MDGA2: variants seen among roughly 807,000 people sequenced by gnomAD.
The protein encoded by MDGA2 is MAM domain-containing glycosylphosphatidylinositol anchor protein 2.
In MDGA2, 40 loss-of-function variants were observed where a neutral mutation model predicts 117.8. The observed-to-expected ratio is 0.34, with a 90% CI of 0.26 to 0.44. The LOEUF (loss-of-function observed/expected upper bound fraction) is 0.44, where lower values mean the gene tolerates loss of function less well. MDGA2 is among the 20% of genes least tolerant of loss of function. The probability of loss-of-function intolerance (pLI) is 1.00; values close to 1 mark genes in which losing one functional copy is unlikely to be tolerated. For missense variants in MDGA2, 1,123 were observed against 1,250.6 expected (o/e 0.90, Z 1.54); for synonymous variants, 452 against 439.0 (o/e 1.03, Z -0.37).
intron 8 of MDGA2, among the ~76,000 whole-genome samples, chr14:47,033,921 G>A (rs1888750318): frequency 6.6e-6 from 1 of 152,042 alleles, no homozygotes; most frequent in African/African-American, 2.4e-5. Context: ...CATTCATTCT[G>A]CCAACAACTT....
intron 1 of MDGA2, among the ~76,000 whole-genome samples, chr14:47,434,700 A>C (rs1259881249): frequency 6.6e-6 from 1 of 152,156 alleles, no homozygotes; most frequent in Non-Finnish European, 1.5e-5. Context: ...AAATGGGCTA[A>C]TATAATTTTC....
At chr14:47,664,609 C>T (rs1182134643) in intron 1 of MDGA2, among the ~76,000 whole-genome samples, 1 of 152,170 alleles carries the variant, frequency 6.6e-6, no homozygotes, top group Admixed American at 6.5e-5. Flanking sequence ...GAAGAAAGCC[C>T]ACGTTACCCA....
chr14:47,256,597 T>C (rs764556654), intron 2 of MDGA2, among the ~76,000 whole-genome samples: 2 of 152,158 alleles, frequency 1.3e-5, no homozygotes, highest in Non-Finnish European at 2.9e-5. Context: ...CAAAATGTCA[T>C]TTCTCTGGAA....
At chr14:47,091,540 G>A (rs1387770553) in intron 6 of MDGA2, among the ~76,000 whole-genome samples, 5 of 152,036 alleles carry the variant, frequency 3.3e-5, no homozygotes, top group Non-Finnish European at 5.9e-5. Context: ...AGACCAATGC[G>A]TCTAAAGTAG....
intron 1 of MDGA2, among the ~76,000 whole-genome samples, chr14:47,313,552 C>T (rs1237749964): frequency 6.6e-6 from 1 of 152,154 alleles, no homozygotes; most frequent in Non-Finnish European, 1.5e-5. Context: ...CTGCCTCTGC[C>T]TCCCCATATA....
chr14:46,963,936 C>G (rs1004505398), intron 8 of MDGA2, among the ~76,000 whole-genome samples: 5 of 152,208 alleles, frequency 3.3e-5, no homozygotes. Context: ...CAAAATTCCT[C>G]CCATCAAGAC....
At chr14:47,499,804 G>A (rs886489269) in intron 1 of MDGA2, among the ~76,000 whole-genome samples, 1 of 152,088 alleles carries the variant, frequency 6.6e-6, no homozygotes, top group Non-Finnish European at 1.5e-5. Flanking sequence ...CCATGCTTGA[G>A]AATTTATAAA....
intron 5 of MDGA2, among the ~76,000 whole-genome samples, chr14:47,118,619 A>G (rs982891244): frequency 9.2e-5 from 14 of 152,214 alleles, no homozygotes; most frequent in South Asian, 2.1e-4. Context: ...TTTGTTTTCA[A>G]TATAGAATTA....
intron 14 of MDGA2, among the ~76,000 whole-genome samples, chr14:46,865,844 G>T (rs1358589155): frequency 6.6e-6 from 1 of 151,500 alleles, no homozygotes; most frequent in East Asian, 1.9e-4. Flanking sequence ...GGGATGTGAA[G>T]GACCTCTTCA....
At chr14:46,883,108 ACT>A (rs1168191864) in intron 10 of MDGA2, among the ~76,000 whole-genome samples, 1 of 151,982 alleles carries the variant, frequency 6.6e-6, no homozygotes, top group Non-Finnish European at 1.5e-5. Flanking sequence ...AAAAACAATA[ACT>A]CTCCAGCTAT....
chr14:47,026,843 G>C (rs1888490185), intron 8 of MDGA2, among the ~76,000 whole-genome samples: 1 of 151,978 alleles, frequency 6.6e-6, no homozygotes, highest in South Asian at 2.1e-4. Flanking sequence ...AAAGAAAAAA[G>C]CCCCCAGGAA....
At chr14:47,338,391 A>T (rs77839669) in intron 1 of MDGA2, among the ~76,000 whole-genome samples, 1 of 151,862 alleles carries the variant, frequency 6.6e-6, no homozygotes, top group Non-Finnish European at 1.5e-5. Context: ...GATAGACTAC[A>T]TATCTTGCTA....
intron 8 of MDGA2, among the ~76,000 whole-genome samples, chr14:46,959,247 A>AAATGC (rs1431212295): frequency 3.3e-4 from 23 of 70,148 alleles, no homozygotes; most frequent in Non-Finnish European, 4.9e-4. Flanking sequence ...CAGCAATGCT[A>AAATGC]TATATGTGTG....
At chr14:47,290,065 G>A (rs72682127) in intron 2 of MDGA2, among the ~76,000 whole-genome samples, 13,837 of 152,036 alleles carry the variant, frequency 0.091, 772 homozygotes, top group Non-Finnish European at 0.11. Flanking sequence ...CTTAGATTTA[G>A]TTCAAGTAAA....
At chr14:47,040,829 C>G (rs1889039510) in intron 7 of MDGA2, among the ~76,000 whole-genome samples, 1 of 152,158 alleles carries the variant, frequency 6.6e-6, no homozygotes, top group South Asian at 2.1e-4. Flanking sequence ...ATGTTTATAT[C>G]CCTGACCAGG....
chr14:47,602,943 A>G (rs1348529944), intron 1 of MDGA2, among the ~76,000 whole-genome samples: 1 of 152,182 alleles, frequency 6.6e-6, no homozygotes, highest in African/African-American at 2.4e-5. Context: ...GAATGGCTAA[A>G]GTTATCAATA....
At chr14:46,931,472 T>A (rs555313686) in intron 9 of MDGA2, among the ~76,000 whole-genome samples, 1 of 151,612 alleles carries the variant, frequency 6.6e-6, no homozygotes, top group African/African-American at 2.4e-5. Flanking sequence ...AATTTTTAGT[T>A]ATAATTTAGA....
chr14:46,914,998 A>G (rs1883845985), intron 10 of MDGA2, among the ~76,000 whole-genome samples: 1 of 152,176 alleles, frequency 6.6e-6, no homozygotes, highest in African/African-American at 2.4e-5. Flanking sequence ...TAGGACATAA[A>G]TCCATGTATT....
chr14:47,494,572 G>T (rs1894239463), intron 1 of MDGA2, among the ~76,000 whole-genome samples: 1 of 152,096 alleles, frequency 6.6e-6, no homozygotes, highest in South Asian at 2.1e-4. Flanking sequence ...ATTTTCTTTT[G>T]AGGGTTTAGC....
Sources: gnomAD v4.1 joint callset for allele counts (sites outside exome capture counted in the v4.1 genomes callset) on GRCh38, gnomAD v4.1.1 for gene constraint, MANE v1.5 for transcripts, NCBI Gene and HGNC (gene_info 2026-07-23, HGNC 2026-07-21) for gene names.